The following ARMH3 variants were observed in gnomAD, a reference collection of about 807,000 sequenced individuals.
ARMH3 encodes armadillo-like helical domain-containing protein 3.
In ARMH3, 60 loss-of-function variants were observed where a neutral mutation model predicts 99.1. The observed-to-expected ratio is 0.61, with a 90% CI of 0.49 to 0.75. The LOEUF (loss-of-function observed/expected upper bound fraction) is 0.75. ARMH3 is among the 30% of genes least tolerant of loss of function. ARMH3 has a pLI of 0.00. For missense variants in ARMH3, 679 were observed against 843.1 expected (o/e 0.81, Z 2.41); for synonymous variants, 285 against 292.8 (o/e 0.97, Z 0.27).
chr10:101,977,223 G>A (rs1455374536), intron 19 of ARMH3, among the ~76,000 whole-genome samples: 2 of 152,132 alleles, frequency 1.3e-5, no homozygotes, highest in Non-Finnish European at 2.9e-5. Flanking sequence ...ACATCTCAAT[G>A]ACATATATGT....
At chr10:101,971,238 T>G (rs539626885) in intron 20 of ARMH3, among the ~76,000 whole-genome samples, 1 of 152,140 alleles carries the variant, frequency 6.6e-6, no homozygotes, top group Admixed American at 6.5e-5. Flanking sequence ...CAAAGGAGAT[T>G]GCTAACCTAA....
intron 23 of ARMH3, among the ~76,000 whole-genome samples, chr10:101,896,164 G>A (rs889853427): frequency 4.6e-5 from 7 of 152,172 alleles, no homozygotes; most frequent in Non-Finnish European, 7.3e-5. Context: ...CTAGGAGGCC[G>A]AGGCTGCAGT....
At chr10:101,964,902 A>C (rs1315072978) in intron 20 of ARMH3, among the ~76,000 whole-genome samples, 1 of 151,884 alleles carries the variant, frequency 6.6e-6, no homozygotes, top group African/African-American at 2.4e-5. Flanking sequence ...AGTCCCAGCT[A>C]CTCGGGAGGC....
chr10:101,852,314 C>T (rs1333659704), intron 24 of ARMH3, among the ~76,000 whole-genome samples: 1 of 152,240 alleles, frequency 6.6e-6, no homozygotes, highest in Non-Finnish European at 1.5e-5. Flanking sequence ...CTCCTCTTGC[C>T]AGGGCATGGT....
intron 23 of ARMH3, among the ~76,000 whole-genome samples, chr10:101,908,626 TAAAGTA>T (rs1183910479): frequency 2.6e-5 from 4 of 151,980 alleles, no homozygotes. Context: ...AACTGCTAAT[TAAAGTA>T]AAATAATTAC....
chr10:101,852,987 G>A (rs537875866), intron 24 of ARMH3, among the ~76,000 whole-genome samples: 5 of 150,604 alleles, frequency 3.3e-5, no homozygotes, highest in East Asian at 4.0e-4. Context: ...AGGTTCAAGC[G>A]ATCCTCCTGC....
intron 24 of ARMH3, among the ~76,000 whole-genome samples, chr10:101,861,470 C>T (rs184067171): frequency 1.3e-5 from 2 of 152,314 alleles, no homozygotes; most frequent in Non-Finnish European, 2.9e-5. Context: ...CAGTGGTTCA[C>T]ACCTCTAATC....
At chr10:102,035,992 T>C (rs1288033446) in intron 2 of ARMH3, among the ~76,000 whole-genome samples, 1 of 149,106 alleles carries the variant, frequency 6.7e-6, no homozygotes, top group Non-Finnish European at 1.5e-5. Flanking sequence ...TCGTCTGAGA[T>C]GTGGGGAGCA....
chr10:102,000,166 G>A (rs183451669), intron 15 of ARMH3, among the ~76,000 whole-genome samples: 4 of 152,142 alleles, frequency 2.6e-5, no homozygotes, highest in Non-Finnish European at 5.9e-5. Flanking sequence ...TGCAAACCAA[G>A]TATGGTAAAA....
intron 24 of ARMH3, among the ~76,000 whole-genome samples, chr10:101,853,461 T>G (rs550322529): frequency 1.3e-5 from 2 of 152,178 alleles, no homozygotes; most frequent in African/African-American, 2.4e-5. Context: ...GCCTGGGACA[T>G]GGTGAGGGCC....
chr10:101,878,467 C>A (rs2067323879), intron 24 of ARMH3, among the ~76,000 whole-genome samples: 1 of 150,264 alleles, frequency 6.7e-6, no homozygotes, highest in Non-Finnish European at 1.5e-5. Flanking sequence ...TAGTAAGACC[C>A]CATCTCTATC....
In ARMH3 at chr10:102,002,023, AT is replaced by A; in HGVS notation, c.1097del (p.Asn366IlefsTer3). On this transcript the variant is annotated frameshift_variant, in exon 15 of 26. Transcript: ENST00000370033. LOFTEE classifies it high-confidence loss of function. ...LPLDADVQTS[N>X]LLITFLKYSS... ...TATACTTTAAAAAGGTTATCAGTAG[AT>A]TACTGGTCTGTACATCTGCATCCAG... is the stretch of plus-strand genomic sequence containing the variant. 6.2e-7 allele frequency: 1 copy of A among 1,614,208 alleles called. No individual in the cohort carries two copies. Among genetic ancestry groups the A allele is most frequent in the Non-Finnish European group, 8.5e-7 (1 of 1,180,030 alleles).
At chr10:102,043,876 G>A (rs1170983334) in intron 1 of ARMH3, among the ~76,000 whole-genome samples, 1 of 152,140 alleles carries the variant, frequency 6.6e-6, no homozygotes, top group Non-Finnish European at 1.5e-5. Flanking sequence ...TGTTAGTCAC[G>A]TGAGCTGCTG....
At chr10:101,980,920 G>A (rs187089068) in intron 19 of ARMH3, among the ~76,000 whole-genome samples, 6 of 152,266 alleles carry the variant, frequency 3.9e-5, no homozygotes, top group African/African-American at 9.6e-5. Flanking sequence ...CGACATGGAT[G>A]AAGCTGGAAG....
chr10:101,974,364 C>T (rs1443913906), intron 20 of ARMH3, among the ~76,000 whole-genome samples: 1 of 152,146 alleles, frequency 6.6e-6, no homozygotes, highest in Admixed American at 6.6e-5. Context: ...CCCTATTCTG[C>T]TGAAAATACA....
intron 23 of ARMH3, among the ~76,000 whole-genome samples, chr10:101,901,081 T>C (rs938968457): frequency 4.6e-5 from 7 of 151,574 alleles, no homozygotes; most frequent in Non-Finnish European, 1.0e-4. Context: ...AAAAGAGGCA[T>C]ATGAATCCTA....
At chr10:101,949,888 AACAG>A in intron 22 of ARMH3, among the ~76,000 whole-genome samples, 1 of 152,334 alleles carries the variant, frequency 6.6e-6, no homozygotes, top group Admixed American at 6.5e-5. Flanking sequence ...TCACTATACT[AACAG>A]ACAATAGTAG....
chr10:102,011,780 C>G lies in ARMH3; in HGVS notation c.774G>C (p.Gln258His). 6.2e-7 allele frequency: 1 copy of G among 1,607,922 alleles called. No homozygotes were observed. The highest frequency in any genetic ancestry group is 8.5e-7 in the Non-Finnish European group (1 of 1,176,492). Residue 258 changes from glutamine to histidine, a missense_variant, in exon 11 of 26, where the codon CAG becomes CAC. By Grantham distance (24) the Gln-to-His change is conservative (BLOSUM62 0). Transcript: ENST00000370033. Reference protein sequence around the residue: ...IAQALSEYNRQYKDKEEEHQS... With the variant: ...IAQALSEYNRHYKDKEEEHQS... ...GGTGTTCTTCTTCCTTGTCTTTATACTGCCTAAACAAAAAGAACTAAATTC... is the reference window on the plus strand; with the variant it reads ...GGTGTTCTTCTTCCTTGTCTTTATAGTGCCTAAACAAAAAGAACTAAATTC...
chr10:101,926,539 A>G (rs1322095281), intron 23 of ARMH3, among the ~76,000 whole-genome samples: 2 of 152,140 alleles, frequency 1.3e-5, no homozygotes, highest in Admixed American at 6.6e-5. Flanking sequence ...ATATGTGGAG[A>G]GGGAAAAATA....
Sources: gnomAD v4.1 joint callset for allele counts (sites outside exome capture counted in the v4.1 genomes callset) on GRCh38, gnomAD v4.1.1 for gene constraint, MANE v1.5 for transcripts, NCBI Gene and HGNC (gene_info 2026-07-23, HGNC 2026-07-21) for gene names.